Variants in SOX5 observed in about 807,000 individuals in gnomAD.
The protein encoded by SOX5 is SRY-box transcription factor 5.
In SOX5, 9 loss-of-function variants were observed where a neutral mutation model predicts 92.0. The observed-to-expected ratio is 0.10, with a 90% CI of 0.06 to 0.17. The LOEUF (loss-of-function observed/expected upper bound fraction) is 0.17, where lower values mean the gene tolerates loss of function less well. SOX5 is among the 10% of genes least tolerant of loss of function. The probability of loss-of-function intolerance (pLI) is 1.00; values close to 1 mark genes in which losing one functional copy is unlikely to be tolerated. For missense variants in SOX5, 642 were observed against 944.5 expected (o/e 0.68, Z 4.20); for synonymous variants, 344 against 336.3 (o/e 1.02, Z -0.25).
chr12:24,447,579 T>C (rs981289801), intron 1 of SOX5, among the ~76,000 whole-genome samples: 2 of 152,182 alleles, frequency 1.3e-5, no homozygotes, highest in African/African-American at 2.4e-5. Context: ...CTTAGTAGCA[T>C]TGTACCAATG....
chr12:23,677,263 T>C (rs541391785), intron 6 of SOX5, among the ~76,000 whole-genome samples: 121 of 152,270 alleles, frequency 7.9e-4, no homozygotes, highest in African/African-American at 2.2e-3. Context: ...TGTGTTTCAT[T>C]AGATGCAGAG....
intron 4 of SOX5, among the ~76,000 whole-genome samples, chr12:24,173,445 G>A (rs1954425149): frequency 6.6e-6 from 1 of 152,242 alleles, no homozygotes. Flanking sequence ...AGTTGAGCTT[G>A]TCATATTTTG....
chr12:23,956,556 C>G (rs897280139), intron 4 of SOX5, among the ~76,000 whole-genome samples: 1 of 152,162 alleles, frequency 6.6e-6, no homozygotes, highest in Non-Finnish European at 1.5e-5. Flanking sequence ...CCTCACCTAA[C>G]CTCTCCCACC....
chr12:24,171,847 G>A (rs1398986916), intron 4 of SOX5, among the ~76,000 whole-genome samples: 1 of 151,890 alleles, frequency 6.6e-6, no homozygotes, highest in Non-Finnish European at 1.5e-5. Context: ...TTAAAAAAAA[G>A]AAGAAGAAAG....
At chr12:23,719,788 CAAAAAAAA>C (rs33914230) in intron 6 of SOX5, among the ~76,000 whole-genome samples, 2 of 64,174 alleles carry the variant, frequency 3.1e-5, no homozygotes, top group Non-Finnish European at 5.5e-5. Flanking sequence ...AGCTATTTAC[CAAAAAAAA>C]AAAAAAAAAA....
chr12:23,873,416 C>T (rs892721495), intron 2 of SOX5, among the ~76,000 whole-genome samples: 3 of 152,084 alleles, frequency 2.0e-5, no homozygotes, highest in African/African-American at 4.8e-5. Context: ...AAGGCTGCAG[C>T]GAGCCAAGAT....
chr12:23,770,335 C>G (rs1438543450), intron 3 of SOX5, among the ~76,000 whole-genome samples: 3 of 151,900 alleles, frequency 2.0e-5, no homozygotes, highest in Admixed American at 2.0e-4. Context: ...AAAAGAAAAC[C>G]CTGAATTATC....
At chr12:24,269,149 T>G (rs1943380224) in intron 3 of SOX5, among the ~76,000 whole-genome samples, 1 of 152,190 alleles carries the variant, frequency 6.6e-6, no homozygotes, top group South Asian at 2.1e-4. Flanking sequence ...ATAAAGCATT[T>G]TACTTTATAG....
At chr12:23,857,732 TTTC>T (rs1047707477) in intron 2 of SOX5, among the ~76,000 whole-genome samples, 4 of 147,998 alleles carry the variant, frequency 2.7e-5, no homozygotes, top group Non-Finnish European at 6.0e-5. Context: ...AAGTTTTTTC[TTTC>T]TTTTTTTTTT....
At chr12:23,986,578 T>C (rs1485595141) in intron 4 of SOX5, among the ~76,000 whole-genome samples, 2 of 152,182 alleles carry the variant, frequency 1.3e-5, no homozygotes, top group African/African-American at 2.4e-5. Flanking sequence ...TATCAGTCCA[T>C]AGAGAAGTTT....
chr12:24,005,979 T>C (rs1040232121), intron 4 of SOX5, among the ~76,000 whole-genome samples: 1 of 152,194 alleles, frequency 6.6e-6, no homozygotes, highest in East Asian at 1.9e-4. Flanking sequence ...GAACCTTCAA[T>C]CTGCACGTAG....
chr12:24,031,960 G>T (rs1955559175), intron 4 of SOX5, among the ~76,000 whole-genome samples: 1 of 151,834 alleles, frequency 6.6e-6, no homozygotes, highest in Non-Finnish European at 1.5e-5. Context: ...GTTTTACAAG[G>T]ATTATAGCAG....
At chr12:24,138,605 G>T (rs987988891) in intron 4 of SOX5, among the ~76,000 whole-genome samples, 2 of 151,720 alleles carry the variant, frequency 1.3e-5, no homozygotes, top group Non-Finnish European at 2.9e-5. Context: ...GTGGGGGATG[G>T]GTATGGGGAA....
Position 24,220,076 on chromosome 12 carries a change from T to G in SOX5, c.-76-6659A>C, listed in dbSNP as rs371098927. On this transcript the variant is annotated intron_variant, in intron 3 of 4. Coordinates refer to the SOX5 transcript ENST00000446891. ...CTGCCTATTTGAAAGTTAAGTAGAT[T>G]AATCAGACAAGAATTCTGTGTTAGG... Among the ~76,000 whole-genome samples the G allele has an allele frequency of 6.2e-4, 95 of 152,170 alleles. No homozygotes were observed. The Middle Eastern group carries it at 0.01, about 16-fold the overall frequency.
chr12:24,106,469 A>T (rs1041914037), intron 4 of SOX5, among the ~76,000 whole-genome samples: 1 of 152,184 alleles, frequency 6.6e-6, no homozygotes, highest in Non-Finnish European at 1.5e-5. Flanking sequence ...TCTAAGGATT[A>T]TAAAAACAAA....
At chr12:23,977,882 T>C (rs1389501003) in intron 4 of SOX5, among the ~76,000 whole-genome samples, 2 of 152,178 alleles carry the variant, frequency 1.3e-5, no homozygotes, top group East Asian at 3.9e-4. Flanking sequence ...GTGGAATAAA[T>C]AGGCTTTTGT....
At chr12:23,776,505 AT>A (rs1453380050) in intron 3 of SOX5, among the ~76,000 whole-genome samples, 3 of 152,212 alleles carry the variant, frequency 2.0e-5, no homozygotes, top group Non-Finnish European at 4.4e-5. Flanking sequence ...ATTCCTTGAG[AT>A]GTTGAAGACT....
At chr12:24,054,663 C>T (rs931227365) in intron 4 of SOX5, among the ~76,000 whole-genome samples, 24 of 152,302 alleles carry the variant, frequency 1.6e-4, no homozygotes, top group Admixed American at 7.8e-4. Flanking sequence ...TCCTGGCAAC[C>T]AGAATTAGAG....
intron 3 of SOX5, among the ~76,000 whole-genome samples, chr12:23,775,475 A>G (rs1323899296): frequency 6.6e-6 from 1 of 152,212 alleles, no homozygotes; most frequent in African/African-American, 2.4e-5. Context: ...CCCACTAACA[A>G]GAATAGGTGG....
Sources: gnomAD v4.1 joint callset for allele counts (sites outside exome capture counted in the v4.1 genomes callset) on GRCh38, gnomAD v4.1.1 for gene constraint, MANE v1.5 for transcripts, NCBI Gene and HGNC (gene_info 2026-07-23, HGNC 2026-07-21) for gene names.